Variants in MACROD2 observed in about 807,000 individuals in gnomAD.
MACROD2 encodes ADP-ribose glycohydrolase MACROD2.
MACROD2 carries 36 observed loss-of-function variants against 70.4 expected under a neutral mutation model. The observed-to-expected ratio is 0.51, with a 90% CI of 0.39 to 0.68. The LOEUF (loss-of-function observed/expected upper bound fraction) is 0.68, where lower values mean the gene tolerates loss of function less well. Ranked by LOEUF, MACROD2 falls within the 30% of genes least tolerant of loss-of-function variation. The pLI is 0.00. For synonymous variants in MACROD2, 172 were observed against 178.8 expected, an observed-to-expected ratio of 0.96 and a Z score of 0.30; for missense variants, 496 against 538.4, an observed-to-expected ratio of 0.92 and a Z score of 0.78.
intron 6 of MACROD2, among the ~76,000 whole-genome samples, chr20:15,395,504 A>G (rs145647226): frequency 6.6e-6 from 1 of 152,346 alleles, no homozygotes; most frequent in East Asian, 1.9e-4. Flanking sequence ...AAAAAATTAA[A>G]TATTTTAGGC....
At chr20:14,127,717 C>T (rs1289980779) in intron 3 of MACROD2, 3 of 419,542 alleles carry the variant, frequency 7.2e-6, no homozygotes, top group Non-Finnish European at 1.4e-5. Flanking sequence ...ATACAATCTA[C>T]ACCAGTAACA....
At chr20:15,535,293 C>T (rs745578220) in intron 8 of MACROD2, among the ~76,000 whole-genome samples, 3 of 150,292 alleles carry the variant, frequency 2.0e-5, no homozygotes, top group African/African-American at 7.4e-5. Context: ...GTATATAATA[C>T]ATGTTTCTGG....
chr20:15,898,261 A>C (rs913576666), intron 10 of MACROD2, among the ~76,000 whole-genome samples: 1 of 152,080 alleles, frequency 6.6e-6, no homozygotes, highest in African/African-American at 2.4e-5. Flanking sequence ...TTGAATCTGC[A>C]TCCATCAGCT....
chr20:14,097,244 C>T (rs2054240290), intron 3 of MACROD2, among the ~76,000 whole-genome samples: 1 of 152,156 alleles, frequency 6.6e-6, no homozygotes, highest in Non-Finnish European at 1.5e-5. Flanking sequence ...GAGCTTTGGT[C>T]TTTTCTAGAG....
intron 5 of MACROD2, among the ~76,000 whole-genome samples, chr20:14,856,033 T>C (rs1347856653): frequency 6.6e-6 from 1 of 152,178 alleles, no homozygotes; most frequent in Non-Finnish European, 1.5e-5. Context: ...GCACTTTACA[T>C]GGCTTTGTGT....
intron 8 of MACROD2, among the ~76,000 whole-genome samples, chr20:15,796,565 G>A (rs2063675868): frequency 6.6e-6 from 1 of 152,190 alleles, no homozygotes; most frequent in East Asian, 1.9e-4. Context: ...TGCACAGTAT[G>A]CCAACTGAAA....
intron 5 of MACROD2, among the ~76,000 whole-genome samples, chr20:14,825,873 A>G (rs933398469): frequency 2.0e-5 from 3 of 152,152 alleles, no homozygotes; most frequent in African/African-American, 7.2e-5. Flanking sequence ...TCGAATGGGG[A>G]TGCCTATGCA....
At chr20:15,298,432 G>A (rs985707234) in intron 6 of MACROD2, among the ~76,000 whole-genome samples, 1 of 152,142 alleles carries the variant, frequency 6.6e-6, no homozygotes, top group Non-Finnish European at 1.5e-5. Flanking sequence ...GGATGGGCAG[G>A]GAAGAGAAAT....
chr20:14,120,912 G>C (rs573583562), intron 3 of MACROD2, among the ~76,000 whole-genome samples: 92 of 151,216 alleles, frequency 6.1e-4, no homozygotes, highest in African/African-American at 2.0e-3. Context: ...TGTTATGGGT[G>C]GGGGGTGAGG....
intron 5 of MACROD2, among the ~76,000 whole-genome samples, chr20:15,077,395 A>G (rs927501135): frequency 3.9e-5 from 6 of 152,168 alleles, no homozygotes; most frequent in African/African-American, 1.4e-4. Flanking sequence ...AGGGAAAAAA[A>G]GTTATTTCAT....
At chr20:14,281,948 A>AG (rs1334745845) in intron 3 of MACROD2, among the ~76,000 whole-genome samples, 15 of 151,008 alleles carry the variant, frequency 9.9e-5, no homozygotes, top group East Asian at 1.9e-4. Flanking sequence ...AAAAAAAAAA[A>AG]AAAGAAAAGA....
chr20:15,292,760 G>T (rs1244708932), intron 6 of MACROD2, among the ~76,000 whole-genome samples: 1 of 152,088 alleles, frequency 6.6e-6, no homozygotes, highest in Non-Finnish European at 1.5e-5. Flanking sequence ...AATAATGGAT[G>T]TTACTTAAAA....
chr20:15,779,520 G>T (rs943092328), intron 8 of MACROD2, among the ~76,000 whole-genome samples: 25 of 152,130 alleles, frequency 1.6e-4, no homozygotes, highest in African/African-American at 6.0e-4. Flanking sequence ...AGCAGGAAAA[G>T]AGTTCTCTGC....
At chr20:15,309,197 C>T (rs1293402597) in intron 6 of MACROD2, among the ~76,000 whole-genome samples, 1 of 152,132 alleles carries the variant, frequency 6.6e-6, no homozygotes, top group African/African-American at 2.4e-5. Context: ...TGTTCAACAA[C>T]CAGTTGAGAA....
chr20:15,390,335 T>C (rs1047096246), intron 6 of MACROD2, among the ~76,000 whole-genome samples: 1 of 152,158 alleles, frequency 6.6e-6, no homozygotes, highest in Non-Finnish European at 1.5e-5. Context: ...TCTCCACCCA[T>C]CCAAGTTCAT....
At chr20:15,900,093 A>ATAT (rs1214462448) in intron 10 of MACROD2, among the ~76,000 whole-genome samples, 2 of 152,148 alleles carry the variant, frequency 1.3e-5, no homozygotes, top group Non-Finnish European at 2.9e-5. Context: ...TATCTTTCAG[A>ATAT]ATGCCATGCA....
chr20:15,668,322 T>A (rs866679755), intron 8 of MACROD2, among the ~76,000 whole-genome samples: 1 of 149,278 alleles, frequency 6.7e-6, no homozygotes, highest in Non-Finnish European at 1.5e-5. Flanking sequence ...AATCCCAGCA[T>A]TTTGGGAGGC....
chr20:14,972,370 C>T (rs2074699619), intron 5 of MACROD2, among the ~76,000 whole-genome samples: 1 of 152,176 alleles, frequency 6.6e-6, no homozygotes. Flanking sequence ...CCCTCCCTTC[C>T]TCTTTCTCAC....
chr20:14,343,208 T>A (rs2083032680), intron 3 of MACROD2, among the ~76,000 whole-genome samples: 1 of 151,054 alleles, frequency 6.6e-6, no homozygotes, highest in South Asian at 2.1e-4. Flanking sequence ...CACTCCCCAG[T>A]GCCCTGTCCC....
Sources: gnomAD v4.1 joint callset for allele counts (sites outside exome capture counted in the v4.1 genomes callset) on GRCh38, gnomAD v4.1.1 for gene constraint, MANE v1.5 for transcripts, NCBI Gene and HGNC (gene_info 2026-07-23, HGNC 2026-07-21) for gene names.